Variants in FHIP2B observed in about 807,000 individuals in gnomAD.
The protein encoded by FHIP2B is FHF complex subunit HOOK-interacting protein 2B.
In FHIP2B, 72 loss-of-function variants were observed where a neutral mutation model predicts 84.0. The observed-to-expected ratio is 0.86, with a 90% confidence interval of 0.71 to 1.04. The LOEUF is 1.04. Among genes scored for constraint, FHIP2B ranks in the 50% least tolerant of loss-of-function variants. The probability of loss-of-function intolerance (pLI) is 0.00; values close to 1 mark genes in which losing one functional copy is unlikely to be tolerated. For synonymous variants in FHIP2B, 497 were observed against 418.7 expected (o/e 1.19, Z -2.28); for missense variants, 972 against 968.9 (o/e 1.00, Z -0.04).
Position 22,100,887 on chromosome 8 carries a change from T to A in FHIP2B, c.1531T>A (p.Ser511Thr). The A allele has an allele frequency of 1.2e-6, 2 of 1,613,936 alleles. No individual in the cohort carries two copies. Among genetic ancestry groups the A allele is most frequent in the South Asian group, 1.1e-5 (1 of 91,084 alleles). The change falls in exon 12 of 17, where the codon TCC becomes ACC. Residue 511 changes from serine (S) to threonine (T), a missense_variant. Transcript: ENST00000289921. ...CTACTTCACCGACAGCTTCCTGGATTCCGGCTTTCAAACTCCCGCAAAGCC... is the reference window on the plus strand; with the variant it reads ...CTACTTCACCGACAGCTTCCTGGATACCGGCTTTCAAACTCCCGCAAAGCC... ...DPYFTDSFLD[S>T]GFQTPAKPRL... is the part of the protein sequence containing the mutation.
Position 22,097,584 on chromosome 8 carries a change from C to G in FHIP2B, c.366C>G (p.Pro122=), listed in dbSNP as rs199794688. ...AGGTTCTGGCGCAGGTGCAGCACCC[C>G]CTGCTGCATTACCTCAGCGTCCACA... ...FSKVLAQVQH[P]LLHYLSVHRP... is the part of the protein sequence containing the mutation. The change falls in exon 4 of 17, where the codon CCC becomes CCG. Residue 122 remains proline, a synonymous_variant. Transcript: ENST00000289921. The G allele has an allele frequency of 1.2e-6, 2 of 1,609,520 alleles. No homozygotes were observed. The highest frequency in any genetic ancestry group is 1.3e-5 in the African/African-American group (1 of 74,924).
At chr8:22,089,331 G>T in intron 1 of FHIP2B, 33 bp downstream of exon 1, 1 of 994,478 alleles carries the variant, frequency 1.0e-6, no homozygotes. Context: ...GGGCCGCCGG[G>T]AGTCGCGGGC....
chr8:22,095,025 C>A, intron 2 of FHIP2B: 1 of 411,804 alleles, frequency 2.4e-6, no homozygotes, highest in Non-Finnish European at 3.3e-6. Flanking sequence ...CCCAAAGAGC[C>A]AAAGCCTTGG....
At chr8:22,093,169 CCAGA>C (rs1165093260) in intron 1 of FHIP2B, among the ~76,000 whole-genome samples, 2 of 152,230 alleles carry the variant, frequency 1.3e-5, no homozygotes, top group East Asian at 1.9e-4. Flanking sequence ...CTTTCACGAT[CCAGA>C]CAGTTAGTGG....
rs1158570526 is a variant in FHIP2B at position 22,099,861 on chromosome 8, C to T, written c.1309C>T (p.Leu437Phe). ...GDNPHTLYAH[L>F]IGHCDHLSDE... ...CAACCCCCACACCCTGTATGCTCAT[C>T]TCATCGGGCATTGTGACCACCTCTC... Residue 437 changes from leucine to phenylalanine, a missense_variant, in exon 10 of 17, where the codon CTC becomes TTC. Physicochemically the swap from Leu to Phe is conservative, Grantham distance 22. Transcript: ENST00000289921. The T allele has an allele frequency of 6.2e-7, 1 of 1,612,434 alleles. No individual in the cohort carries two copies. Among genetic ancestry groups the T allele is most frequent in the Admixed American group, 1.7e-5 (1 of 59,632 alleles).
At position 22,102,826 on chromosome 8, in the gene FHIP2B, G is replaced by A; in HGVS notation, c.2127G>A (p.Val709=). Residue 709 remains valine, a synonymous_variant, in exon 17 of 17, where the codon GTG becomes GTA. Transcript: ENST00000289921. ...LDHQTLLQGV[V]VLEEFCKELA... ...ACCAGACCCTCCTCCAGGGCGTGGTGGTGCTGGAGGAGTTCTGCAAGGAGC... is the reference window on the plus strand; with the variant it reads ...ACCAGACCCTCCTCCAGGGCGTGGTAGTGCTGGAGGAGTTCTGCAAGGAGC... 1 of 1,613,666 alleles carries A rather than the reference G, an allele frequency of 6.2e-7. No homozygotes were observed. The highest frequency in any genetic ancestry group is 2.2e-5 in the East Asian group (1 of 44,868).
Position 22,089,177 on chromosome 8 carries a change from G to T in FHIP2B, c.-77G>T. The T allele has an allele frequency of 1.1e-6, 1 of 950,460 alleles. No homozygotes were observed. The highest frequency in any genetic ancestry group is 1.3e-6 in the Non-Finnish European group (1 of 783,082). 58.9% of individuals were successfully genotyped at this position (950,460 alleles called of 1,614,324 possible). On this transcript the variant is annotated 5_prime_UTR_variant, in exon 1 of 17. Coordinates refer to ENST00000289921, the MANE Select transcript of FHIP2B (RefSeq NM_022749.7). ...CCCCCTCGTCGCGCCGGGGCCGCCG[G>T]GGCCACGGGGCTGCCTCCTCCGCCT...
chr8:22,094,426 T>A lies in FHIP2B; in HGVS notation c.46-14T>A. The stretch of plus-strand genomic sequence containing the variant: ...TTGTGGCCCCCACTGAGGTTGTGTG[T>A]CTGCCCTCCGCAGCGCGAGCCCAGC... On this transcript the variant is annotated splice_polypyrimidine_tract_variant and intron_variant, in intron 1 of 16. Transcript: ENST00000289921. 1 of 1,591,750 alleles carries A rather than the reference T, an allele frequency of 6.3e-7. No homozygotes were observed. The highest frequency in any genetic ancestry group is 1.4e-5 in the African/African-American group (1 of 73,372).
chr8:22,096,118 G>A (rs561782250), intron 2 of FHIP2B: 8 of 498,246 alleles, frequency 1.6e-5, no homozygotes, highest in Middle Eastern at 5.3e-4. Context: ...GCATGCATGC[G>A]TTCTCAGAGG....
chr8:22,098,052 C>T lies in FHIP2B; in HGVS notation c.526-16C>T, dbSNP rs1825879229. The T allele has an allele frequency of 1.3e-6, 2 of 1,583,456 alleles. No homozygotes were observed. The highest frequency in any genetic ancestry group is 1.7e-6 in the Non-Finnish European group (2 of 1,164,430). ...TGGTCCCCACCAGGTCTGGCCTCAT[C>T]TCACCCTCTTTTCAGGGTAAAAAGA... On this transcript the variant is annotated splice_polypyrimidine_tract_variant and intron_variant, in intron 5 of 16. Transcript: ENST00000289921.
rs775982731 is a variant in FHIP2B, at chr8:22,099,401, T to A, written c.1151+41T>A. On this transcript the variant is annotated intron_variant, in intron 9 of 16. Transcript: ENST00000289921. ...CCTCAGGCATGACTGTGGTCTACAG[T>A]AAACCACCTACCCCACCCAGCCTCG... 33 of 1,596,244 alleles carry A rather than the reference T, an allele frequency of 2.1e-5. No homozygotes were observed. In the South Asian group the frequency reaches 3.5e-4, roughly 17 times the overall value.
intron 16 of FHIP2B, 51 bp from the exon 17 acceptor site, chr8:22,102,742 G>A: frequency 6.2e-7 from 1 of 1,607,162 alleles, no homozygotes; most frequent in African/African-American, 1.3e-5. Context: ...TGTCATGCTG[G>A]GCACAGTCCT....
rs1369335698 is a variant in FHIP2B, at chr8:22,101,431, ATC to A, written c.1617-4_1617-3del. 3.1e-6 allele frequency: 5 copies of A among 1,603,158 alleles called. No homozygotes were observed. Among genetic ancestry groups the A allele is most frequent in the South Asian group, 1.1e-5 (1 of 89,214 alleles). On this transcript the variant is annotated splice_region_variant and splice_polypyrimidine_tract_variant and intron_variant, in intron 12 of 16. Transcript: ENST00000289921. The stretch of plus-strand genomic sequence containing the variant: ...CGGGAGCGCCTCCACACCGGCTTCT[ATC>A]TCTCAGTTTCCTGTGCCTGGTCCCC...
At position 22,098,606 on chromosome 8, in the gene FHIP2B, G is replaced by A; in HGVS notation, c.952G>A (p.Gly318Ser). ...LDPADIATLEGISWRLPSAPS... is the reference protein window; with the variant it reads ...LDPADIATLESISWRLPSAPS... Reference sequence around the variant, plus strand: ...CCCCGCAGACATTGCCACCTTAGAGGGCATCAGCTGGAGGTGGGTGCCCAG... The same window carrying A: ...CCCCGCAGACATTGCCACCTTAGAGAGCATCAGCTGGAGGTGGGTGCCCAG... Residue 318 changes from glycine (G) to serine (S), a missense_variant, in exon 7 of 17, where the codon GGC (glycine) becomes AGC (serine). Transcript: ENST00000289921. 2 of 1,571,340 alleles carry A rather than the reference G, an allele frequency of 1.3e-6. No homozygotes were observed. The highest frequency in any genetic ancestry group is 1.8e-5 in the Admixed American group (1 of 54,522).
At chr8:22,097,864 AG>A in intron 5 of FHIP2B, 25 bp downstream of exon 5, 1 of 1,608,628 alleles carries the variant, frequency 6.2e-7, no homozygotes, top group Non-Finnish European at 8.5e-7. Flanking sequence ...CGGGAACAGG[AG>A]GGGGAGGGCC....
chr8:22,094,607 A>T, intron 2 of FHIP2B, 89 bp downstream of exon 2: 1 of 1,584,008 alleles, frequency 6.3e-7, no homozygotes, highest in Non-Finnish European at 8.5e-7. Context: ...TGTCCTGGGA[A>T]AGGTAACCTG....
chr8:22,091,775 G>A (rs1471148266), intron 1 of FHIP2B, among the ~76,000 whole-genome samples: 1 of 152,182 alleles, frequency 6.6e-6, no homozygotes, highest in African/African-American at 2.4e-5. Flanking sequence ...GAGGCTAAAG[G>A]AGACCCCATC....
At chr8:22,102,743 GCA>G in intron 16 of FHIP2B, 48 bp from the exon 17 acceptor site, 5 of 1,606,950 alleles carry the variant, frequency 3.1e-6, no homozygotes, top group Non-Finnish European at 4.3e-6. Flanking sequence ...GTCATGCTGG[GCA>G]CAGTCCTGCC....
At chr8:22,101,680 A>G (rs6557810) in intron 13 of FHIP2B, 28 bp from the exon 14 acceptor site, 1,571,183 of 1,588,238 alleles carry the variant, frequency 0.99, 778,564 homozygotes, top group East Asian at 1. Flanking sequence ...CCCCAGGCCC[A>G]CTGCCTCTAC....
Sources: allele counts gnomAD v4.1 joint callset (sites outside exome capture counted in the v4.1 genomes callset), GRCh38; gene constraint gnomAD v4.1.1; transcripts MANE v1.5; gene names NCBI Gene and HGNC (gene_info 2026-07-23, HGNC 2026-07-21).